The following MYO16 variants were observed in gnomAD, a reference collection of about 807,000 sequenced individuals.
MYO16 encodes myosin XVI, also known as unconventional myosin-XVI.
MYO16 carries 94 observed loss-of-function variants against 205.3 expected under a neutral mutation model. That is an observed-to-expected ratio of 0.46 (90% confidence interval 0.39 to 0.54). The LOEUF is 0.54. Among genes scored for constraint, MYO16 ranks in the 20% least tolerant of loss-of-function variants. MYO16 has a pLI of 0.00. For missense variants in MYO16, 2,315 were observed against 2,387.5 expected, an observed-to-expected ratio of 0.97 and a Z score of 0.63; for synonymous variants, 988 against 954.0, an observed-to-expected ratio of 1.04 and a Z score of -0.66.
At chr13:109,148,312 G>T (rs530160034) in intron 32 of MYO16, among the ~76,000 whole-genome samples, 16 of 152,092 alleles carry the variant, frequency 1.1e-4, no homozygotes, top group African/African-American at 3.9e-4. Flanking sequence ...AACTTGTAGC[G>T]CTTTCTCTAT....
intron 4 of MYO16, among the ~76,000 whole-genome samples, chr13:108,756,707 A>G (rs1055790095): frequency 9.2e-6 from 1 of 108,810 alleles, no homozygotes; most frequent in Admixed American, 9.0e-5. Context: ...AGAAAAAAAC[A>G]AAGGAAAATG....
intron 23 of MYO16, 47 bp from the exon 24 acceptor site, chr13:109,046,869 C>A: frequency 2.1e-6 from 3 of 1,439,720 alleles, no homozygotes; most frequent in Non-Finnish European, 2.9e-6. Flanking sequence ...TTTATTTTCA[C>A]AGTCATGTTG....
intron 12 of MYO16, among the ~76,000 whole-genome samples, chr13:108,869,731 TAAAAAAAAAAAAAAAA>T (rs68025820): frequency 3.0e-5 from 2 of 67,024 alleles, no homozygotes; most frequent in Non-Finnish European, 5.6e-5. Flanking sequence ...ACTCCGTTTC[TAAAAAAAAAAAAAAAA>T]AAAAAAAAAA....
intron 16 of MYO16, among the ~76,000 whole-genome samples, chr13:108,923,358 C>T (rs770610843): frequency 1.3e-5 from 2 of 152,264 alleles, no homozygotes; most frequent in Admixed American, 6.5e-5. Context: ...GAAGGCAGTA[C>T]AGCTCAGTCA....
intron 28 of MYO16, chr13:109,101,860 A>G (rs933886703): frequency 6.6e-6 from 1 of 152,196 alleles, no homozygotes. Context: ...ATGATAATTG[A>G]TGAGTCAAAG....
chr13:108,895,347 C>T (rs936303429), intron 14 of MYO16, among the ~76,000 whole-genome samples: 2 of 151,996 alleles, frequency 1.3e-5, no homozygotes, highest in South Asian at 2.1e-4. Flanking sequence ...AGGTGAGCAG[C>T]GGAATAATGC....
At chr13:109,111,838 C>T (rs2139739157) in intron 28 of MYO16, among the ~76,000 whole-genome samples, 1 of 152,180 alleles carries the variant, frequency 6.6e-6, no homozygotes, top group Admixed American at 6.5e-5. Flanking sequence ...AGGCACGTGC[C>T]ACCACGCCCG....
chr13:108,580,471 T>C, the MYO16 span, among the ~76,000 whole-genome samples: 1 of 152,252 alleles, frequency 6.6e-6, no homozygotes, highest in Non-Finnish European at 1.5e-5. Flanking sequence ...ATTTTAGTGT[T>C]CCTAGTAACA....
chr13:108,844,280 T>C, intron 9 of MYO16, 63 bp from the exon 10 acceptor site: 2 of 1,414,576 alleles, frequency 1.4e-6, no homozygotes. Context: ...CCTGTATTGG[T>C]AATTTTCGAT....
At chr13:108,789,614 G>A (rs1886557461) in intron 5 of MYO16, among the ~76,000 whole-genome samples, 1 of 152,164 alleles carries the variant, frequency 6.6e-6, no homozygotes, top group African/African-American at 2.4e-5. Context: ...TGGGTAGAGG[G>A]TAGCTGCACC....
chr13:108,986,698 A>T (rs1004279914), intron 20 of MYO16, among the ~76,000 whole-genome samples: 3 of 151,492 alleles, frequency 2.0e-5, no homozygotes, highest in Non-Finnish European at 4.4e-5. Flanking sequence ...AATATGAAGG[A>T]TATAATTGAT....
chr13:109,100,972 C>G, intron 28 of MYO16, 85 bp downstream of exon 28: 1 of 1,211,100 alleles, frequency 8.3e-7, no homozygotes, highest in Non-Finnish European at 1.2e-6. Flanking sequence ...CCAGAATCTT[C>G]CTGGCAAAAA....
chr13:109,085,573 A>G (rs1888414452), intron 27 of MYO16, among the ~76,000 whole-genome samples: 1 of 152,194 alleles, frequency 6.6e-6, no homozygotes, highest in African/African-American at 2.4e-5. Flanking sequence ...AATTCAATAC[A>G]TAGGTGTGAA....
At chr13:108,560,250 A>G in the MYO16 span, among the ~76,000 whole-genome samples, 1 of 152,204 alleles carries the variant, frequency 6.6e-6, no homozygotes. Context: ...ATACACTGGG[A>G]CTTGAGCAGC....
chr13:108,786,453 T>C (rs571774376), intron 5 of MYO16, among the ~76,000 whole-genome samples: 21 of 152,168 alleles, frequency 1.4e-4, no homozygotes, highest in African/African-American at 4.8e-4. Flanking sequence ...TAGGTATAAA[T>C]AACAATAAAG....
chr13:108,557,679 G>A, the MYO16 span, among the ~76,000 whole-genome samples: 8 of 152,072 alleles, frequency 5.3e-5, no homozygotes, highest in Non-Finnish European at 8.8e-5. Context: ...GAAATGGTAT[G>A]TGTATTATAA....
intron 28 of MYO16, among the ~76,000 whole-genome samples, chr13:109,111,983 G>C (rs1170600492): frequency 6.6e-6 from 1 of 152,102 alleles, no homozygotes; most frequent in Non-Finnish European, 1.5e-5. Context: ...TCCATGCCCG[G>C]CCGATTGTAG....
chr13:109,180,137 G>T (rs1879396386), intron 34 of MYO16, among the ~76,000 whole-genome samples: 1 of 152,024 alleles, frequency 6.6e-6, no homozygotes, highest in East Asian at 1.9e-4. Context: ...AAATCAAAAT[G>T]AGATTGCAGT....
At chr13:108,891,105 G>A (rs1880148722) in intron 14 of MYO16, among the ~76,000 whole-genome samples, 1 of 152,206 alleles carries the variant, frequency 6.6e-6, no homozygotes, top group African/African-American at 2.4e-5. Context: ...CCGTATAGGA[G>A]AAACATTTCA....
Sources: allele counts gnomAD v4.1 joint callset (sites outside exome capture counted in the v4.1 genomes callset), GRCh38; gene constraint gnomAD v4.1.1; transcripts MANE v1.5; gene names NCBI Gene and HGNC (gene_info 2026-07-23, HGNC 2026-07-21).